The following BICC1 variants were observed in gnomAD, a reference collection of about 807,000 sequenced individuals.
BICC1 encodes protein bicaudal C homolog 1.
BICC1 carries 43 observed loss-of-function variants against 111.0 expected under a neutral mutation model. That is an observed-to-expected ratio of 0.39 (90% confidence interval 0.30 to 0.50). BICC1 has a LOEUF of 0.50. Ranked by LOEUF, BICC1 falls within the 20% of genes least tolerant of loss-of-function variation. The pLI, the probability that BICC1 is intolerant of heterozygous loss-of-function variation, is 0.88. For missense variants in BICC1, 1,091 were observed against 1,203.2 expected, an observed-to-expected ratio of 0.91 and a Z score of 1.38; for synonymous variants, 467 against 434.4, an observed-to-expected ratio of 1.07 and a Z score of -0.93.
intron 3 of BICC1, among the ~76,000 whole-genome samples, chr10:58,731,312 G>C (rs1463865221): frequency 6.6e-6 from 1 of 152,150 alleles, no homozygotes; most frequent in Non-Finnish European, 1.5e-5. Context: ...GTCACTACCA[G>C]CGTTTTAGTT....
intron 20 of BICC1, among the ~76,000 whole-genome samples, chr10:58,825,551 C>T (rs1350760815): frequency 2.0e-5 from 3 of 152,152 alleles, no homozygotes; most frequent in Non-Finnish European, 2.9e-5. Flanking sequence ...GCACCACTGG[C>T]AGCAGAGAGA....
intron 1 of BICC1, among the ~76,000 whole-genome samples, chr10:58,557,775 A>G (rs993068913): frequency 6.6e-6 from 1 of 151,812 alleles, no homozygotes; most frequent in Non-Finnish European, 1.5e-5. Context: ...ACCTTTTTTT[A>G]ATGTTCTTTT....
intron 2 of BICC1, among the ~76,000 whole-genome samples, chr10:58,666,586 A>C (rs1335878952): frequency 6.6e-6 from 1 of 152,194 alleles, no homozygotes; most frequent in African/African-American, 2.4e-5. Flanking sequence ...TGTAGTATAA[A>C]AGTGCTTGGA....
intron 1 of BICC1, among the ~76,000 whole-genome samples, chr10:58,541,842 G>A (rs996608385): frequency 5.0e-5 from 1 of 20,064 alleles, no homozygotes. Context: ...TATTATGGTA[G>A]TGGAATAAAG....
At chr10:58,812,513 C>G (rs1843942977) in intron 17 of BICC1, among the ~76,000 whole-genome samples, 1 of 150,158 alleles carries the variant, frequency 6.7e-6, no homozygotes, top group Admixed American at 6.6e-5. Context: ...GAGTCTCACT[C>G]TGTTGCCCAG....
At chr10:58,687,224 T>C (rs1405034879) in intron 2 of BICC1, among the ~76,000 whole-genome samples, 1 of 152,216 alleles carries the variant, frequency 6.6e-6, no homozygotes, top group African/African-American at 2.4e-5. Flanking sequence ...GCCTGATCCT[T>C]CTTCTGGAAG....
chr10:58,516,447 A>G (rs1166930303), intron 1 of BICC1, among the ~76,000 whole-genome samples: 1 of 151,926 alleles, frequency 6.6e-6, no homozygotes, highest in Non-Finnish European at 1.5e-5. Context: ...TGTTGCAGAT[A>G]AAAACCACCA....
At chr10:58,780,592 A>G (rs138128325) in intron 3 of BICC1, among the ~76,000 whole-genome samples, 108 of 152,238 alleles carry the variant, frequency 7.1e-4, no homozygotes, top group Non-Finnish European at 1.2e-3. Context: ...TTTTCTGCAG[A>G]TTTTGCTGTG....
chr10:58,548,560 T>C (rs1467013681), intron 1 of BICC1, among the ~76,000 whole-genome samples: 1 of 152,196 alleles, frequency 6.6e-6, no homozygotes, highest in African/African-American at 2.4e-5. Flanking sequence ...ATTTACAATG[T>C]CATGTATCCC....
intron 1 of BICC1, among the ~76,000 whole-genome samples, chr10:58,566,194 G>GTGTATATGTT (rs1564490470): frequency 4.0e-5 from 6 of 150,664 alleles, no homozygotes; most frequent in Non-Finnish European, 8.9e-5. Flanking sequence ...GTGTATATGT[G>GTGTATATGTT]TGTATACACA....
chr10:58,697,553 A>G (rs1042461060), intron 2 of BICC1, among the ~76,000 whole-genome samples: 1 of 152,102 alleles, frequency 6.6e-6, no homozygotes, highest in Non-Finnish European at 1.5e-5. Context: ...GCGGTTTTGT[A>G]GCTTCTTTGA....
intron 1 of BICC1, among the ~76,000 whole-genome samples, chr10:58,525,421 A>T (rs1042456085): frequency 8.9e-6 from 1 of 112,180 alleles, no homozygotes; most frequent in African/African-American, 2.8e-5. Context: ...TAGGGCATGG[A>T]TGAAGCGGGA....
intron 2 of BICC1, among the ~76,000 whole-genome samples, chr10:58,656,888 T>G (rs927946160): frequency 6.6e-6 from 1 of 152,170 alleles, no homozygotes. Flanking sequence ...TAATTTTATC[T>G]CGGCATAACA....
intron 1 of BICC1, among the ~76,000 whole-genome samples, chr10:58,517,123 A>G (rs1334122517): frequency 1.3e-5 from 2 of 152,220 alleles, no homozygotes; most frequent in Non-Finnish European, 2.9e-5. Flanking sequence ...TCAGAAGCAT[A>G]GGTATTTTCA....
chr10:58,726,116 TCTGA>T (rs1241735425), intron 3 of BICC1, among the ~76,000 whole-genome samples: 1 of 152,234 alleles, frequency 6.6e-6, no homozygotes, highest in Non-Finnish European at 1.5e-5. Flanking sequence ...AATTCAATCA[TCTGA>T]CTAACTCTTC....
At chr10:58,688,122 G>A (rs953267779) in intron 2 of BICC1, among the ~76,000 whole-genome samples, 14 of 152,194 alleles carry the variant, frequency 9.2e-5, no homozygotes, top group Non-Finnish European at 1.9e-4. Flanking sequence ...AAGTTAGCGT[G>A]GACCCAAAGA....
intron 2 of BICC1, among the ~76,000 whole-genome samples, chr10:58,621,951 G>GAAC (rs869082492): frequency 0.17 from 5,636 of 33,930 alleles, 1,664 homozygotes; most frequent in South Asian, 0.2. Context: ...GAATAGAATA[G>GAAC]AATAGAATAG....
intron 3 of BICC1, among the ~76,000 whole-genome samples, chr10:58,768,790 AT>A (rs1842529923): frequency 1.3e-5 from 2 of 152,138 alleles, no homozygotes; most frequent in African/African-American, 4.8e-5. Flanking sequence ...CAAAACAGAA[AT>A]CTATAGTAGA....
chr10:58,721,358 G>A (rs1196161629), intron 3 of BICC1, among the ~76,000 whole-genome samples: 1 of 152,118 alleles, frequency 6.6e-6, no homozygotes, highest in African/African-American at 2.4e-5. Context: ...TGACTTTTGG[G>A]GGAACCCAAA....
Sources: allele counts gnomAD v4.1 joint callset (sites outside exome capture counted in the v4.1 genomes callset), GRCh38; gene constraint gnomAD v4.1.1; transcripts MANE v1.5; gene names NCBI Gene and HGNC (gene_info 2026-07-23, HGNC 2026-07-21).